The following TMTC1 variants were observed in gnomAD, a reference collection of about 807,000 sequenced individuals.
TMTC1 encodes the protein protein O-mannosyl-transferase TMTC1.
Under a neutral mutation model 104.8 loss-of-function variants are expected in TMTC1, and 73 were observed. The observed-to-expected ratio is 0.70, with a 90% confidence interval of 0.58 to 0.85. The LOEUF is 0.85. Ranked by LOEUF, TMTC1 falls within the 40% of genes least tolerant of loss-of-function variation. TMTC1 has a pLI of 0.00. For synonymous variants in TMTC1, 434 were observed against 428.7 expected (o/e 1.01, Z -0.15); for missense variants, 1,035 against 1,096.1 (o/e 0.94, Z 0.79).
At chr12:29,577,050 A>G (rs1945843654) in intron 8 of TMTC1, among the ~76,000 whole-genome samples, 1 of 152,322 alleles carries the variant, frequency 6.6e-6, no homozygotes, top group South Asian at 2.1e-4. Context: ...TGCATGGAGA[A>G]TACCTAAGGA....
intron 10 of TMTC1, among the ~76,000 whole-genome samples, chr12:29,548,822 TGCTTGA>T (rs1273500521): frequency 1.0e-5 from 1 of 95,442 alleles, no homozygotes; most frequent in African/African-American, 2.8e-5. Flanking sequence ...GGTTATATAT[TGCTTGA>T]TTATATCACT....
chr12:29,702,094 A>G (rs916292924), intron 5 of TMTC1, among the ~76,000 whole-genome samples: 5 of 152,216 alleles, frequency 3.3e-5, no homozygotes, highest in Admixed American at 6.5e-5. Context: ...AAGGAGATAG[A>G]TGTGCCAAGA....
rs749066437 is a variant in TMTC1, at chr12:29,666,251, G to C, written c.939-32915C>G. The C allele has an allele frequency of 1.8e-4, 67 of 373,266 alleles. 1 individual carries two copies. The Middle Eastern group carries it at 5.0e-3, about 28-fold the overall frequency. 23.1% of individuals were successfully genotyped at this position (373,266 alleles called of 1,614,324 possible). On this transcript the variant is annotated intron_variant, in intron 5 of 17. Transcript: ENST00000539277. ...TTCTTTTTTTTTTTTTTTTGGAGAC[G>C]GAGTCTCGCTCTGTCACCCAGGCTG...
intron 5 of TMTC1, among the ~76,000 whole-genome samples, chr12:29,662,201 CCA>C (rs1940061822): frequency 6.6e-6 from 1 of 152,088 alleles, no homozygotes; most frequent in Non-Finnish European, 1.5e-5. Context: ...CTTTTTAAAT[CCA>C]ATTTTTCCTC....
At chr12:29,784,646 CAGGTTCG>C (rs779764424), upstream of TMTC1, 12 of 152,252 alleles carry the variant, frequency 7.9e-5, no homozygotes, top group Non-Finnish European at 1.5e-4. Context: ...CAAAAAGTAC[CAGGTTCG>C]AGTTTTGGTT....
At chr12:29,508,856 G>A (rs1470884191) in intron 17 of TMTC1, among the ~76,000 whole-genome samples, 2 of 151,914 alleles carry the variant, frequency 1.3e-5, no homozygotes, top group Non-Finnish European at 2.9e-5. Context: ...GGGATTACAG[G>A]TATGAGCCAC....
chr12:29,553,022 A>C (rs1341322397), intron 10 of TMTC1, among the ~76,000 whole-genome samples: 2 of 152,230 alleles, frequency 1.3e-5, no homozygotes. Flanking sequence ...GTTACTTAGC[A>C]ACATAACTTC....
chr12:29,523,934 C>A (rs1417785837), intron 11 of TMTC1, among the ~76,000 whole-genome samples: 1 of 152,006 alleles, frequency 6.6e-6, no homozygotes, highest in East Asian at 1.9e-4. Flanking sequence ...AATGGCATCT[C>A]CTAATTTTGT....
chr12:29,647,478 T>C (rs1369973110), intron 5 of TMTC1, among the ~76,000 whole-genome samples: 1 of 152,216 alleles, frequency 6.6e-6, no homozygotes, highest in Non-Finnish European at 1.5e-5. Context: ...GAGGTTATTA[T>C]GAGATAGCCC....
intron 9 of TMTC1, among the ~76,000 whole-genome samples, chr12:29,562,917 C>CTCT (rs1945413959): frequency 6.6e-6 from 1 of 152,140 alleles, no homozygotes; most frequent in Admixed American, 6.5e-5. Flanking sequence ...GTTCTCCTTC[C>CTCT]TCACATGGAT....
At chr12:29,606,084 T>C (rs1445844343) in intron 6 of TMTC1, among the ~76,000 whole-genome samples, 4 of 152,212 alleles carry the variant, frequency 2.6e-5, no homozygotes, top group African/African-American at 9.7e-5. Flanking sequence ...GGTGTATATG[T>C]ACTACAATTT....
chr12:29,629,506 CTGTGTCACAGG>C (rs903041944), intron 6 of TMTC1, among the ~76,000 whole-genome samples: 3 of 152,170 alleles, frequency 2.0e-5, no homozygotes, highest in Non-Finnish European at 1.5e-5. Context: ...CCTCCTGAGG[CTGTGTCACAGG>C]TGTGTCCTTC....
At chr12:29,758,181 A>C (rs1943260714) in intron 3 of TMTC1, among the ~76,000 whole-genome samples, 1 of 152,162 alleles carries the variant, frequency 6.6e-6, no homozygotes, top group Non-Finnish European at 1.5e-5. Flanking sequence ...AAGGCTTTTC[A>C]GTTTCCCAAT....
intron 6 of TMTC1, among the ~76,000 whole-genome samples, chr12:29,608,592 T>C (rs775854328): frequency 1.9e-4 from 29 of 152,232 alleles, no homozygotes; most frequent in Non-Finnish European, 3.5e-4. Flanking sequence ...TTGATACCTA[T>C]ATACCTGTTA....
chr12:29,783,687 C>CAGCCCCGCCGCCGGGAGGGTGTGCG lies in TMTC1; in HGVS notation c.40_64dup (p.Cys22SerfsTer121). Reference sequence around the variant, plus strand: ...CGCGGCCCCGGCCGGCGCTAGCCCGCAGCCCCGCCGCCGGGAGGGTGTGCG... The same window carrying CAGCCCCGCCGCCGGGAGGGTGTGCG: ...CGCGGCCCCGGCCGGCGCTAGCCCGCAGCCCCGCCGCCGGGAGGGTGTGCGAGCCCCGCCGCCGGGAGGGTGTGCG... On this transcript the variant is annotated frameshift_variant, in exon 1 of 18. Transcript: ENST00000539277. LOFTEE classifies it high-confidence loss of function. The surrounding 1 kb of genome is among the most constrained non-coding windows in gnomAD (Gnocchi z 4.7). The CAGCCCCGCCGCCGGGAGGGTGTGCG allele has an allele frequency of 7.8e-7, 1 of 1,275,490 alleles. No homozygotes were observed. The allele number at this position is 1,275,490 out of a possible 1,614,324, so 79.0% of individuals were successfully genotyped here.
chr12:29,729,975 A>T (rs1942502740), intron 5 of TMTC1, among the ~76,000 whole-genome samples: 1 of 152,170 alleles, frequency 6.6e-6, no homozygotes, highest in Admixed American at 6.5e-5. Flanking sequence ...CCTGAATCAG[A>T]AGTGCTTACT....
At chr12:29,644,361 G>C (rs1479668996) in intron 5 of TMTC1, among the ~76,000 whole-genome samples, 3 of 151,520 alleles carry the variant, frequency 2.0e-5, no homozygotes, top group Non-Finnish European at 4.4e-5. Context: ...GGGACTTGGG[G>C]GGAAGAGTGT....
intron 10 of TMTC1, among the ~76,000 whole-genome samples, chr12:29,544,947 C>T (rs1310297732): frequency 2.6e-5 from 4 of 152,096 alleles, no homozygotes; most frequent in Non-Finnish European, 5.9e-5. Flanking sequence ...GCCCCAGTGG[C>T]CAAAGAGAAA....
intron 1 of TMTC1, among the ~76,000 whole-genome samples, chr12:29,776,620 C>T (rs894653987): frequency 6.6e-6 from 1 of 152,166 alleles, no homozygotes; most frequent in African/African-American, 2.4e-5. Context: ...TGAGTCCCTA[C>T]TTTGCAAGCC....
Sources: gnomAD v4.1 joint callset for allele counts (sites outside exome capture counted in the v4.1 genomes callset) on GRCh38, gnomAD v4.1.1 for gene constraint, Gnocchi (gnomAD v3.1) non-coding constraint, MANE v1.5 for transcripts, NCBI Gene and HGNC (gene_info 2026-07-23, HGNC 2026-07-21) for gene names.